ROBO2: variants seen among roughly 807,000 people sequenced by gnomAD.
The protein encoded by ROBO2 is roundabout homolog 2.
Under a neutral mutation model 160.8 loss-of-function variants are expected in ROBO2, and 53 were observed. The observed-to-expected ratio is 0.33, with a 90% CI of 0.26 to 0.41. ROBO2 has a LOEUF of 0.41. Ranked by LOEUF, ROBO2 falls within the 10% of genes least tolerant of loss-of-function variation. The probability of loss-of-function intolerance (pLI) is 1.00; values close to 1 mark genes in which losing one functional copy is unlikely to be tolerated. For missense variants in ROBO2, 1,577 were observed against 1,722.4 expected (o/e 0.92, Z 1.49); for synonymous variants, 664 against 611.7 (o/e 1.09, Z -1.26).
At chr3:77,216,219 T>C (rs2084922362) in intron 2 of ROBO2, among the ~76,000 whole-genome samples, 1 of 152,152 alleles carries the variant, frequency 6.6e-6, no homozygotes, top group Non-Finnish European at 1.5e-5. Context: ...TACAGTGGGC[T>C]CCACGCAGTT....
chr3:77,404,432 A>G (rs756202710), intron 2 of ROBO2, among the ~76,000 whole-genome samples: 21 of 152,212 alleles, frequency 1.4e-4, no homozygotes, highest in Non-Finnish European at 3.1e-4. Context: ...TATTAAACTT[A>G]GTAATCAGTC....
In ROBO2 at chr3:76,355,667, C is replaced by T. The variant is rs547185975; in HGVS notation, c.109+418065C>T. ...ACACCTGCATAGCAATCTGAGATGA[C>T]TGGATAAATAAAAAATTCTTAAAAT... On this transcript the variant is annotated intron_variant, in intron 2 of 26. Coordinates refer to the ROBO2 transcript ENST00000487694. 7.9e-5 allele frequency among the ~76,000 whole-genome samples: 12 copies of T among 151,812 alleles called. No homozygotes were observed. In the East Asian group the frequency reaches 1.6e-3, roughly 20 times the overall value.
intron 2 of ROBO2, among the ~76,000 whole-genome samples, chr3:76,292,828 A>G (rs1708870394): frequency 6.6e-6 from 1 of 152,172 alleles, no homozygotes. Context: ...ATATCATTGT[A>G]GTTATCTGAG....
intron 2 of ROBO2, among the ~76,000 whole-genome samples, chr3:76,521,588 A>G (rs575430641): frequency 6.4e-4 from 97 of 152,308 alleles, no homozygotes; most frequent in African/African-American, 2.3e-3. Context: ...GCAAGCCTCA[A>G]CTTTCTCAGT....
chr3:76,758,014 G>A (rs1484208271), intron 2 of ROBO2, among the ~76,000 whole-genome samples: 2 of 151,750 alleles, frequency 1.3e-5, no homozygotes, highest in Non-Finnish European at 2.9e-5. Context: ...CATAATGCAT[G>A]GCACAGGTTA....
chr3:76,743,258 A>G (rs9823148), intron 2 of ROBO2, among the ~76,000 whole-genome samples: 2,747 of 152,238 alleles, frequency 0.018, 69 homozygotes, highest in African/African-American at 0.058. Context: ...CTTGAGCCCT[A>G]CTAAGCCCAA....
At chr3:76,329,568 A>G (rs1361267376) in intron 2 of ROBO2, among the ~76,000 whole-genome samples, 2 of 152,066 alleles carry the variant, frequency 1.3e-5, no homozygotes, top group Non-Finnish European at 2.9e-5. Context: ...TCCGCTGGGG[A>G]ATGAGTAGCT....
chr3:76,339,968 A>G (rs1036610751), intron 2 of ROBO2, among the ~76,000 whole-genome samples: 11 of 152,052 alleles, frequency 7.2e-5, no homozygotes, highest in Non-Finnish European at 7.4e-5. Context: ...GCATAGAGCT[A>G]TTAATTCATC....
At chr3:76,804,921 A>T (rs1248320178) in intron 2 of ROBO2, among the ~76,000 whole-genome samples, 2 of 152,180 alleles carry the variant, frequency 1.3e-5, no homozygotes, top group African/African-American at 4.8e-5. Flanking sequence ...AAGGTAGTAT[A>T]AGGAAAAATT....
chr3:77,535,143 G>A (rs959945795), intron 6 of ROBO2, among the ~76,000 whole-genome samples: 4 of 151,782 alleles, frequency 2.6e-5, no homozygotes, highest in Admixed American at 1.3e-4. Context: ...TTAAAATTCC[G>A]TTAACTAAGC....
At position 76,865,158 on chromosome 3, in the gene ROBO2, G is replaced by A. The variant is rs73841637; in HGVS notation, c.110-232856G>A. ...TAAAAAAAAAAATCCAAAAATATAT[G>A]TGAGCATATAATCCACACCATTGCT... On this transcript the variant is annotated intron_variant, in intron 2 of 26. Coordinates refer to the ROBO2 transcript ENST00000487694. Among the ~76,000 whole-genome samples, 334 of 151,470 alleles carry A rather than the reference G, an allele frequency of 2.2e-3. 3 individuals carry two copies. The highest frequency in any genetic ancestry group is 7.7e-3 in the African/African-American group (319 of 41,320).
chr3:77,165,195 CTT>C (rs1174251788), intron 2 of ROBO2, among the ~76,000 whole-genome samples: 1 of 150,690 alleles, frequency 6.6e-6, no homozygotes, highest in Non-Finnish European at 1.5e-5. Context: ...ACATGGGAGA[CTT>C]TTCATTTTGT....
chr3:76,729,517 G>T (rs1048149541), intron 2 of ROBO2, among the ~76,000 whole-genome samples: 7 of 152,086 alleles, frequency 4.6e-5, no homozygotes, highest in Admixed American at 2.6e-4. Context: ...ACAATGAAAG[G>T]AATTGGAAGG....
At chr3:77,322,297 T>G (rs950333569) in intron 2 of ROBO2, among the ~76,000 whole-genome samples, 1 of 152,144 alleles carries the variant, frequency 6.6e-6, no homozygotes, top group African/African-American at 2.4e-5. Flanking sequence ...GACACTGTAT[T>G]GTATGACTGG....
chr3:77,579,001 C>T (rs1317357329), intron 15 of ROBO2, among the ~76,000 whole-genome samples: 1 of 152,158 alleles, frequency 6.6e-6, no homozygotes, highest in African/African-American at 2.4e-5. Context: ...ACTAAGAACA[C>T]AGATACCATA....
intron 2 of ROBO2, among the ~76,000 whole-genome samples, chr3:77,233,431 C>A (rs529246800): frequency 6.6e-6 from 1 of 152,130 alleles, no homozygotes; most frequent in Non-Finnish European, 1.5e-5. Flanking sequence ...CTATTAGGCC[C>A]TGGTGACAGG....
At chr3:76,250,971 A>G (rs936725090) in intron 2 of ROBO2, among the ~76,000 whole-genome samples, 3 of 152,032 alleles carry the variant, frequency 2.0e-5, no homozygotes, top group African/African-American at 7.2e-5. Context: ...CCCAGAAACT[A>G]TAAAGGTGAT....
intron 13 of ROBO2, among the ~76,000 whole-genome samples, chr3:77,571,495 G>A (rs1327976372): frequency 6.6e-6 from 1 of 152,058 alleles, no homozygotes; most frequent in Non-Finnish European, 1.5e-5. Flanking sequence ...GGTATTATGT[G>A]AGCAAATTAA....
intron 2 of ROBO2, among the ~76,000 whole-genome samples, chr3:76,561,273 T>C (rs1177620294): frequency 6.6e-6 from 1 of 152,082 alleles, no homozygotes; most frequent in East Asian, 1.9e-4. Flanking sequence ...AAATTAAATT[T>C]ACTTAAAGAG....
Sources: gnomAD v4.1 joint callset for allele counts (sites outside exome capture counted in the v4.1 genomes callset) on GRCh38, gnomAD v4.1.1 for gene constraint, MANE v1.5 for transcripts, NCBI Gene and HGNC (gene_info 2026-07-23, HGNC 2026-07-21) for gene names.